Variants in SLC6A15 observed in about 807,000 individuals in gnomAD.
The protein encoded by SLC6A15 is solute carrier family 6 member 15.
SLC6A15 carries 33 observed loss-of-function variants against 68.5 expected under a neutral mutation model. That is an observed-to-expected ratio of 0.48 (90% CI 0.37 to 0.64). The LOEUF is 0.64. SLC6A15 is among the 30% of genes least tolerant of loss of function. The pLI, the probability that SLC6A15 is intolerant of heterozygous loss-of-function variation, is 0.00. For missense variants in SLC6A15, 747 were observed against 874.3 expected (o/e 0.85, Z 1.84); for synonymous variants, 347 against 301.0 (o/e 1.15, Z -1.58).
At chr12:84,903,667 T>C (rs1285490608) in intron 1 of SLC6A15, among the ~76,000 whole-genome samples, 2 of 152,104 alleles carry the variant, frequency 1.3e-5, no homozygotes, top group East Asian at 1.9e-4. Flanking sequence ...TCTGTTTCTG[T>C]AGTCAGATTG....
rs1242194412 is a variant in SLC6A15, at chr12:84,875,701, A to ATATG, written c.867+795_867+796insCATA. ...ATATATATATATATATATATATATG[A>ATATG]GAATCAAAAACGTGGTCCCTGTTAA... is the stretch of plus-strand genomic sequence containing the variant. On this transcript the variant is annotated intron_variant, in intron 6 of 11. Coordinates refer to ENST00000266682, the MANE Select transcript of SLC6A15 (RefSeq NM_182767.6). 1.7e-3 allele frequency among the ~76,000 whole-genome samples: 2 copies of ATATG among 1,202 alleles called. 1 individual carries two copies. Among genetic ancestry groups the ATATG allele is most frequent in the Non-Finnish European group, 3.9e-3 (2 of 508 alleles). 0.8% of individuals were successfully genotyped at this position (1,202 alleles called of 152,430 possible).
chr12:84,902,279 AT>A (rs960630878), intron 1 of SLC6A15, among the ~76,000 whole-genome samples: 11 of 151,896 alleles, frequency 7.2e-5, no homozygotes, highest in Admixed American at 2.6e-4. Flanking sequence ...TTAAATGTAT[AT>A]TTTTTTTCCC....
At chr12:84,905,794 A>G (rs1310487668) in intron 1 of SLC6A15, among the ~76,000 whole-genome samples, 1 of 152,214 alleles carries the variant, frequency 6.6e-6, no homozygotes, top group African/African-American at 2.4e-5. Flanking sequence ...AAGTCAAGTT[A>G]CAAATTTATG....
At chr12:84,909,107 T>G (rs1332357307) in intron 1 of SLC6A15, among the ~76,000 whole-genome samples, 1 of 152,132 alleles carries the variant, frequency 6.6e-6, no homozygotes, top group East Asian at 1.9e-4. Flanking sequence ...AAATAGCCCT[T>G]GATAAAAATT....
intron 9 of SLC6A15, among the ~76,000 whole-genome samples, chr12:84,868,859 C>G (rs1484862448): frequency 1.3e-5 from 2 of 152,024 alleles, no homozygotes; most frequent in Non-Finnish European, 2.9e-5. Flanking sequence ...CAGGAGGGGA[C>G]GGTTTGGATA....
Position 84,863,614 on chromosome 12 carries a change from A to G in SLC6A15, c.1656-13T>C, listed in dbSNP as rs1031730885. ...GTCTTCCATAAACCTGAATAAAAAG[A>G]AAGTATTTAATTATTCCTTAATTTA... On this transcript the variant is annotated splice_polypyrimidine_tract_variant and intron_variant, in intron 10 of 11. Coordinates refer to ENST00000266682, the MANE Select transcript of SLC6A15 (RefSeq NM_182767.6). 2.7e-6 allele frequency: 4 copies of G among 1,501,424 alleles called. No individual in the cohort carries two copies. Among genetic ancestry groups the G allele is most frequent in the African/African-American group, 1.4e-5 (1 of 69,756 alleles). 93.0% of individuals were successfully genotyped at this position (1,501,424 alleles called of 1,614,324 possible).
At position 84,886,479 on chromosome 12, in the gene SLC6A15, AT is replaced by A. The variant is rs60367473; in HGVS notation, c.290-412del. Among the ~76,000 whole-genome samples, 1,139 of 152,170 alleles carry A rather than the reference AT, an allele frequency of 7.5e-3. 5 individuals carry two copies. Among genetic ancestry groups the A allele is most frequent in the Non-Finnish European group, 0.012 (828 of 67,976 alleles). On this transcript the variant is annotated intron_variant, in intron 2 of 11. Transcript: ENST00000266682. Reference sequence around the variant, plus strand: ...TTATACAAACTCATTGAAATAATGCATTCTAAATCAGAAAAATTAGAGTGAA... The same window carrying A: ...TTATACAAACTCATTGAAATAATGCATCTAAATCAGAAAAATTAGAGTGAA...
At chr12:84,869,051 T>C (rs1374035857) in intron 9 of SLC6A15, among the ~76,000 whole-genome samples, 1 of 152,222 alleles carries the variant, frequency 6.6e-6, no homozygotes, top group African/African-American at 2.4e-5. Flanking sequence ...AATTGTTTTA[T>C]ACACGCACAC....
intron 6 of SLC6A15, chr12:84,874,612 A>G (rs1592596943): frequency 6.6e-6 from 1 of 152,220 alleles, no homozygotes; most frequent in South Asian, 2.1e-4. Context: ...TCTATGAAAT[A>G]TGCTTATTAA....
At chr12:84,867,306 T>C (rs1190163101) in intron 9 of SLC6A15, 113 bp from the exon 10 acceptor site, 8 of 859,336 alleles carry the variant, frequency 9.3e-6, no homozygotes, top group East Asian at 5.9e-5. Flanking sequence ...ATGTCCATCA[T>C]ATAAACAGGC....
chr12:84,862,219 T>C (rs1870883327), intron 11 of SLC6A15, among the ~76,000 whole-genome samples: 1 of 152,112 alleles, frequency 6.6e-6, no homozygotes, highest in Non-Finnish European at 1.5e-5. Context: ...AATATTGCCC[T>C]GAATATGATG....
In SLC6A15 at chr12:84,861,794, A is replaced by G; in HGVS notation, c.2031T>C (p.Ile677=). The part of the protein sequence containing the change: ...VNLEGDDTSL[I]HGKIPSEMPS... ...GCATCTCGCTCGGTATTTTTCCGTGAATGAGGCTTGTATCATCGCCCTCTA... is the reference window on the plus strand; with the variant it reads ...GCATCTCGCTCGGTATTTTTCCGTGGATGAGGCTTGTATCATCGCCCTCTA... Residue 677 remains isoleucine (I), a synonymous_variant, in exon 12 of 12, where the codon ATT becomes ATC. Coordinates refer to ENST00000266682, the MANE Select transcript of SLC6A15 (RefSeq NM_182767.6). 3 of 1,613,972 alleles carry G rather than the reference A, an allele frequency of 1.9e-6. No homozygotes were observed. The highest frequency in any genetic ancestry group is 2.5e-6 in the Non-Finnish European group (3 of 1,179,946).
intron 5 of SLC6A15, chr12:84,882,621 T>A: frequency 3.8e-6 from 1 of 261,076 alleles, no homozygotes; most frequent in Non-Finnish European, 6.0e-6. Context: ...GTGTTGCAGT[T>A]AAAGAACATG....
intron 5 of SLC6A15, chr12:84,881,897 G>T (rs975203017): frequency 2.2e-5 from 22 of 985,220 alleles, no homozygotes; most frequent in Non-Finnish European, 2.5e-5. Flanking sequence ...ATTACCTACA[G>T]CTAGCTTTCT....
At chr12:84,900,400 A>C (rs926847148) in intron 1 of SLC6A15, among the ~76,000 whole-genome samples, 4 of 151,988 alleles carry the variant, frequency 2.6e-5, no homozygotes, top group Non-Finnish European at 4.4e-5. Flanking sequence ...TCATCAGTCA[A>C]TAATGATAAT....
intron 10 of SLC6A15, among the ~76,000 whole-genome samples, chr12:84,866,215 C>A (rs1442138060): frequency 1.3e-5 from 2 of 152,172 alleles, no homozygotes; most frequent in African/African-American, 2.4e-5. Flanking sequence ...TACTACCTCT[C>A]AGTCCATGTA....
intron 5 of SLC6A15, chr12:84,883,483 T>C: frequency 8.3e-7 from 1 of 1,209,960 alleles, no homozygotes; most frequent in Non-Finnish European, 1.0e-6. Context: ...ACAAACAAAA[T>C]GAATGAATTA....
intron 1 of SLC6A15, among the ~76,000 whole-genome samples, chr12:84,907,170 A>G (rs1592617988): frequency 6.6e-6 from 1 of 152,078 alleles, no homozygotes; most frequent in Non-Finnish European, 1.5e-5. Flanking sequence ...TAACACGGTG[A>G]AACCCTGTCT....
At chr12:84,887,814 A>G (rs1872187088) in intron 2 of SLC6A15, among the ~76,000 whole-genome samples, 1 of 152,116 alleles carries the variant, frequency 6.6e-6, no homozygotes, top group South Asian at 2.1e-4. Context: ...CTTCTATCTC[A>G]AATTCTTCTA....
Sources: allele counts gnomAD v4.1 joint callset (sites outside exome capture counted in the v4.1 genomes callset), GRCh38; gene constraint gnomAD v4.1.1; transcripts MANE v1.5; gene names NCBI Gene and HGNC (gene_info 2026-07-23, HGNC 2026-07-21).